The following RIPPLY3 variants were observed in gnomAD, a reference collection of about 807,000 sequenced individuals.
RIPPLY3 encodes ripply transcriptional repressor 3, also known as protein ripply3.
RIPPLY3 carries 8 observed loss-of-function variants against 11.9 expected under a neutral mutation model. The ratio of observed to expected loss-of-function variants is 0.67; its 90% confidence interval spans 0.40 to 1.21. RIPPLY3 has a LOEUF of 1.21. Among genes scored for constraint, RIPPLY3 ranks in the 50% most tolerant of loss-of-function variants. RIPPLY3 has a pLI of 0.01. For missense variants in RIPPLY3, 271 were observed against 246.0 expected, an observed-to-expected ratio of 1.10 and a Z score of -0.68; for synonymous variants, 102 against 99.0, an observed-to-expected ratio of 1.03 and a Z score of -0.18.
chr21:37,012,684 AC>A (rs1203154739), intron 2 of RIPPLY3, among the ~76,000 whole-genome samples: 2 of 151,456 alleles, frequency 1.3e-5, no homozygotes, highest in African/African-American at 4.9e-5. Flanking sequence ...TGATAGTTGG[AC>A]TCCCTGACTC....
At chr21:37,006,523 C>T, upstream of RIPPLY3, 1 of 342,928 alleles carries the variant, frequency 2.9e-6, no homozygotes. The surrounding 1 kb of genome is among the most constrained non-coding windows in gnomAD (Gnocchi z 5.2). Flanking sequence ...ATCCCCGGCT[C>T]CCTGGTCCCC....
intron 3 of RIPPLY3, among the ~76,000 whole-genome samples, chr21:37,014,184 G>A (rs1417531504): frequency 2.0e-5 from 3 of 152,082 alleles, no homozygotes. Flanking sequence ...TGGGCATGGT[G>A]GTGGGCACCT....
intron 2 of RIPPLY3, among the ~76,000 whole-genome samples, chr21:37,011,999 C>G (rs1359980963): frequency 6.8e-6 from 1 of 148,072 alleles, no homozygotes; most frequent in African/African-American, 2.5e-5. Flanking sequence ...TCCTTACAGG[C>G]GAATTTGCTC....
rs2069598805 is a variant in RIPPLY3, at chr21:37,018,092, G to A, written c.458G>A (p.Arg153Lys). 6.2e-7 allele frequency: 1 copy of A among 1,614,012 alleles called. No individual in the cohort carries two copies. The highest frequency in any genetic ancestry group is 1.3e-5 in the African/African-American group (1 of 74,932). The change falls in exon 4 of 4, where the codon AGA (arginine) becomes AAA (lysine). Residue 153 changes from arginine (R) to lysine (K), a missense_variant. Arg to Lys is a conservative substitution (Grantham distance 26). Coordinates refer to ENST00000329553, the MANE Select transcript of RIPPLY3 (RefSeq NM_018962.3). Reference protein sequence around the residue: ...RQENGPGGKGRDQGINQGQRS... With the variant: ...RQENGPGGKGKDQGINQGQRS... ...GAAAATGGCCCAGGGGGAAAGGGCA[G>A]AGACCAGGGCATCAACCAAGGGCAG...
At chr21:37,008,323 TC>T in intron 2 of RIPPLY3, 100 bp downstream of exon 2, 1 of 1,260,054 alleles carries the variant, frequency 7.9e-7, no homozygotes, top group Non-Finnish European at 1.1e-6. Context: ...CGCAGGGCCG[TC>T]CCTTGGGCGT....
At chr21:37,012,705 T>C (rs1264276544) in intron 2 of RIPPLY3, among the ~76,000 whole-genome samples, 1 of 152,036 alleles carries the variant, frequency 6.6e-6, no homozygotes, top group Non-Finnish European at 1.5e-5. Flanking sequence ...CAAAAATCCA[T>C]CTCCAGTTCC....
At chr21:37,012,863 ATTTTTT>A (rs3988826) in intron 2 of RIPPLY3, among the ~76,000 whole-genome samples, 18 of 119,000 alleles carry the variant, frequency 1.5e-4, no homozygotes, top group African/African-American at 5.2e-4. Context: ...TGCCACTCTG[ATTTTTT>A]TTTTTTTTTT....
intron 3 of RIPPLY3, among the ~76,000 whole-genome samples, chr21:37,014,203 G>A (rs7276202): frequency 0.3 from 45,851 of 151,790 alleles, 7,237 homozygotes; most frequent in South Asian, 0.42. Flanking sequence ...CTGTAATCCC[G>A]GCTACTTGGG....
intron 2 of RIPPLY3, among the ~76,000 whole-genome samples, chr21:37,013,002 T>C (rs191325971): frequency 2.6e-5 from 4 of 151,828 alleles, no homozygotes; most frequent in African/African-American, 9.7e-5. Context: ...GTAGCTGGGA[T>C]TACAGGCATG....
rs58914763 is a variant in RIPPLY3 at position 37,013,489 on chromosome 21, C to T, written c.172-62C>T. ...ACTTACGTTCTGTGGTTTAAAACCT[C>T]AGGATGTCACCTTCCGACACTCCTG... On this transcript the variant is annotated intron_variant, in intron 2 of 3. Coordinates refer to ENST00000329553, the MANE Select transcript of RIPPLY3 (RefSeq NM_018962.3). The T allele has an allele frequency of 1.5e-3, 2,137 of 1,445,944 alleles. 36 individuals carry two copies. The African/African-American group carries it at 0.027, about 18-fold the overall frequency. 89.6% of individuals were successfully genotyped at this position (1,445,944 alleles called of 1,614,324 possible).
intron 2 of RIPPLY3, among the ~76,000 whole-genome samples, chr21:37,013,186 G>A (rs1297538214): frequency 6.6e-6 from 1 of 152,122 alleles, no homozygotes; most frequent in Non-Finnish European, 1.5e-5. Flanking sequence ...ATGTCTCTGC[G>A]AGGCCCTTCA....
In RIPPLY3 at chr21:37,019,229, A is replaced by T. The variant is rs2069614529; in HGVS notation, c.*1022A>T. On this transcript the variant is annotated 3_prime_UTR_variant, in exon 4 of 4. Coordinates refer to ENST00000329553, the MANE Select transcript of RIPPLY3 (RefSeq NM_018962.3). The stretch of plus-strand genomic sequence containing the variant: ...CCGTGAGTCGAGATCGCACCATTGC[A>T]TTCCAGCCTGGGCAACAAGAGCGAA... 1 of 145,660 alleles carries T rather than the reference A, an allele frequency of 6.9e-6. No homozygotes were observed. The highest frequency in any genetic ancestry group is 7.2e-5 in the Admixed American group (1 of 13,906). 9.0% of individuals were successfully genotyped at this position (145,660 alleles called of 1,614,324 possible).
intron 2 of RIPPLY3, among the ~76,000 whole-genome samples, chr21:37,011,694 C>T (rs992593660): frequency 3.5e-4 from 53 of 152,048 alleles, no homozygotes; most frequent in Admixed American, 3.4e-3. Context: ...GGGCCGGGCG[C>T]GATGTCTCAC....
chr21:37,013,712 A>G, intron 3 of RIPPLY3, 94 bp downstream of exon 3: 1 of 862,214 alleles, frequency 1.2e-6, no homozygotes, highest in Non-Finnish European at 1.8e-6. Flanking sequence ...ATTGTCAACA[A>G]AGTGGAAAAT....
chr21:37,008,868 G>A (rs1234238011), intron 2 of RIPPLY3, among the ~76,000 whole-genome samples: 1 of 151,900 alleles, frequency 6.6e-6, no homozygotes, highest in Non-Finnish European at 1.5e-5. Flanking sequence ...GAGGGGAGAG[G>A]CTGCCACTAT....
chr21:37,018,847 C>G lies in RIPPLY3; in HGVS notation c.*640C>G, dbSNP rs1244996741. ...AGCTGGGATTACAGGCATGAGCTACCACGCCTGGCTAATTTTTTGTATTTT... is the reference window on the plus strand; with the variant it reads ...AGCTGGGATTACAGGCATGAGCTACGACGCCTGGCTAATTTTTTGTATTTT... On this transcript the variant is annotated 3_prime_UTR_variant, in exon 4 of 4. Coordinates refer to ENST00000329553, the MANE Select transcript of RIPPLY3 (RefSeq NM_018962.3). The G allele has an allele frequency of 6.6e-6, 1 of 150,842 alleles. No individual in the cohort carries two copies. Among genetic ancestry groups the G allele is most frequent in the Admixed American group, 6.7e-5 (1 of 15,030 alleles). 9.3% of individuals were successfully genotyped at this position (150,842 alleles called of 1,614,324 possible).
intron 2 of RIPPLY3, among the ~76,000 whole-genome samples, chr21:37,012,874 T>TAAAAAAA (rs1385620207): frequency 3.0e-4 from 46 of 150,858 alleles, no homozygotes; most frequent in African/African-American, 1.0e-3. Context: ...TTTTTTTTTT[T>TAAAAAAA]TTTTTTTTGA....
At chr21:37,017,467 G>A (rs2069590732) in intron 3 of RIPPLY3, among the ~76,000 whole-genome samples, 2 of 152,064 alleles carry the variant, frequency 1.3e-5, no homozygotes, top group African/African-American at 4.8e-5. Context: ...TGCTGCAGGG[G>A]ACAGAGGGTG....
Position 37,006,921 on chromosome 21 carries a change from G to GCTCAGTTCTC in RIPPLY3, c.104+46_104+47insTCAGTTCTCC. The GCTCAGTTCTC allele has an allele frequency of 9.2e-7, 1 of 1,088,664 alleles. No individual in the cohort carries two copies. The highest frequency in any genetic ancestry group is 4.6e-5 in the South Asian group (1 of 21,738). 67.4% of individuals were successfully genotyped at this position (1,088,664 alleles called of 1,614,324 possible). A position where few individuals can be genotyped will look rare whatever the true frequency, so the allele number is the denominator to read the frequency against. On this transcript the variant is annotated intron_variant, in intron 1 of 3. Transcript: ENST00000329553. This position sits in a 1 kb window ranked among gnomAD's most constrained non-coding sequence, Gnocchi z 5.2. ...CCGGTGGACGCGCTGAGAGGCGTGC[G>GCTCAGTTCTC]CGGTGGCGGTGCGGGGAGCGCAGCG...
Sources: gnomAD v4.1 joint callset for allele counts (sites outside exome capture counted in the v4.1 genomes callset) on GRCh38, gnomAD v4.1.1 for gene constraint, Gnocchi (gnomAD v3.1) non-coding constraint, MANE v1.5 for transcripts, NCBI Gene and HGNC (gene_info 2026-07-23, HGNC 2026-07-21) for gene names.